The following SLC71A1 variants were observed in gnomAD, a reference collection of about 807,000 sequenced individuals.
SLC71A1 encodes the protein hippocampus abundant gene transcript 1.
At chr1:100,050,890 G>GC in the SLC71A1 span, among the ~76,000 whole-genome samples, 3 of 151,928 alleles carry the variant, frequency 2.0e-5, no homozygotes, top group Non-Finnish European at 4.4e-5. Context: ...GTTGAGACCA[G>GC]CCTGGGCAAC....
chr1:100,038,380 C>T, the SLC71A1 span: 3 of 1,306,910 alleles, frequency 2.3e-6, no homozygotes, highest in South Asian at 1.3e-5. Context: ...CCTTCAGACC[C>T]CCACACTGCC....
At chr1:100,062,694 G>A in the SLC71A1 span, among the ~76,000 whole-genome samples, 2 of 152,202 alleles carry the variant, frequency 1.3e-5, no homozygotes, top group South Asian at 2.1e-4. Flanking sequence ...TTTTAAAAGG[G>A]ACTGATTTCT....
the SLC71A1 span, among the ~76,000 whole-genome samples, chr1:100,040,695 C>G: frequency 6.6e-6 from 1 of 152,200 alleles, no homozygotes; most frequent in South Asian, 2.1e-4. Flanking sequence ...CTCCTGACCT[C>G]ATGATTCACC....
the SLC71A1 span, among the ~76,000 whole-genome samples, chr1:100,060,303 CT>C: frequency 6.6e-6 from 1 of 152,064 alleles, no homozygotes; most frequent in Admixed American, 6.6e-5. Context: ...GGATTGCTAA[CT>C]TTTTTTCTTG....
the SLC71A1 span, among the ~76,000 whole-genome samples, chr1:100,041,824 C>T: frequency 0.069 from 10,392 of 151,544 alleles, 489 homozygotes; most frequent in African/African-American, 0.14. Context: ...CCCGGGAGGC[C>T]GAGGCACGAG....
the SLC71A1 span, among the ~76,000 whole-genome samples, chr1:100,066,976 G>T: frequency 8.8e-6 from 1 of 113,738 alleles, no homozygotes; most frequent in South Asian, 3.2e-4. Context: ...GCGACAGAGC[G>T]AGACTCCGTC....
chr1:100,050,522 T>C, the SLC71A1 span, among the ~76,000 whole-genome samples: 1 of 152,140 alleles, frequency 6.6e-6, no homozygotes, highest in Non-Finnish European at 1.5e-5. Context: ...AGTTTTCTTA[T>C]ATTGGTGTAG....
chr1:100,046,666 T>A, the SLC71A1 span, among the ~76,000 whole-genome samples: 3 of 152,222 alleles, frequency 2.0e-5, no homozygotes, highest in Non-Finnish European at 4.4e-5. Flanking sequence ...ATCTGTAGAT[T>A]GCTTTTGGTA....
At chr1:100,052,674 C>T in the SLC71A1 span, among the ~76,000 whole-genome samples, 1 of 152,004 alleles carries the variant, frequency 6.6e-6, no homozygotes, top group Admixed American at 6.5e-5. Flanking sequence ...TCGTGATCCG[C>T]CCGCCTTGGC....
the SLC71A1 span, among the ~76,000 whole-genome samples, chr1:100,045,501 T>C: frequency 6.6e-6 from 1 of 152,216 alleles, no homozygotes; most frequent in African/African-American, 2.4e-5. Context: ...TTCTCTTGTC[T>C]GATTACTCTG....
At chr1:100,038,209 G>T in the SLC71A1 span, 1 of 1,547,812 alleles carries the variant, frequency 6.5e-7, no homozygotes, top group Admixed American at 2.0e-5. Flanking sequence ...GGCTGCAGCA[G>T]CGCCAGGAAT....
the SLC71A1 span, chr1:100,078,554 T>C: frequency 6.3e-7 from 1 of 1,590,044 alleles, no homozygotes; most frequent in Non-Finnish European, 8.6e-7. Flanking sequence ...ACAGGGTGAG[T>C]TGATAGGAAC....
At chr1:100,063,808 TG>T in the SLC71A1 span, among the ~76,000 whole-genome samples, 1 of 151,908 alleles carries the variant, frequency 6.6e-6, no homozygotes, top group East Asian at 1.9e-4. Context: ...AAAAGGGGGT[TG>T]GGGGGTGCGG....
At chr1:100,050,327 C>T in the SLC71A1 span, among the ~76,000 whole-genome samples, 1 of 152,106 alleles carries the variant, frequency 6.6e-6, no homozygotes, top group Admixed American at 6.6e-5. Flanking sequence ...CTGCATGACT[C>T]GGCATAATTA....
chr1:100,082,200 A>G, the SLC71A1 span: 2 of 1,613,818 alleles, frequency 1.2e-6, no homozygotes, highest in Non-Finnish European at 1.7e-6. Context: ...TCCAGGACAC[A>G]AATGTGTGAC....
chr1:100,050,518 C>G, the SLC71A1 span, among the ~76,000 whole-genome samples: 1 of 152,036 alleles, frequency 6.6e-6, no homozygotes, highest in Non-Finnish European at 1.5e-5. Flanking sequence ...AGCCAGTTTT[C>G]TTATATTGGT....
the SLC71A1 span, chr1:100,038,129 G>T: frequency 5.0e-6 from 5 of 999,132 alleles, no homozygotes; most frequent in Admixed American, 2.0e-5. Flanking sequence ...GGCGGCGGGC[G>T]CCCAGAGCGG....
chr1:100,046,877 T>C, the SLC71A1 span, among the ~76,000 whole-genome samples: 2 of 152,210 alleles, frequency 1.3e-5, no homozygotes, highest in Admixed American at 1.3e-4. Flanking sequence ...TTCAGATATT[T>C]GCTGTTGGCA....
At chr1:100,056,467 C>T in the SLC71A1 span, among the ~76,000 whole-genome samples, 1 of 152,110 alleles carries the variant, frequency 6.6e-6, no homozygotes, top group Non-Finnish European at 1.5e-5. Flanking sequence ...AAAAATTAGC[C>T]AGGCATGGTG....
Sources: gnomAD v4.1 joint callset for allele counts (sites outside exome capture counted in the v4.1 genomes callset) on GRCh38, gnomAD v4.1.1 for gene constraint, MANE v1.5 for transcripts, NCBI Gene and HGNC (gene_info 2026-07-23, HGNC 2026-07-21) for gene names.